The following ADCY3 variants were observed in gnomAD, a reference collection of about 807,000 sequenced individuals.
ADCY3 encodes the protein adenylate cyclase 3.
A neutral mutation model predicts 119.4 loss-of-function variants in ADCY3; 70 were observed. That is an observed-to-expected ratio of 0.59 (90% CI 0.48 to 0.72). The LOEUF (loss-of-function observed/expected upper bound fraction) is 0.72, where lower values mean the gene tolerates loss of function less well. ADCY3 is among the 30% of genes least tolerant of loss of function. The probability of loss-of-function intolerance (pLI) is 0.00; values close to 1 mark genes in which losing one functional copy is unlikely to be tolerated. For synonymous variants in ADCY3, 672 were observed against 621.4 expected, an observed-to-expected ratio of 1.08 and a Z score of -1.21; for missense variants, 1,238 against 1,541.6, an observed-to-expected ratio of 0.80 and a Z score of 3.30.
chr2:24,860,393 C>A (rs1036220405), intron 3 of ADCY3, among the ~76,000 whole-genome samples: 1 of 152,232 alleles, frequency 6.6e-6, no homozygotes, highest in Non-Finnish European at 1.5e-5. Context: ...CTGGCGGCCC[C>A]GCACCACAGG....
At chr2:24,912,108 G>A (rs762236025) in intron 2 of ADCY3, among the ~76,000 whole-genome samples, 10 of 152,192 alleles carry the variant, frequency 6.6e-5, no homozygotes, top group Non-Finnish European at 1.5e-4. Context: ...TACGCACAAT[G>A]TGTCTCTGAG....
At chr2:24,867,315 T>G (rs565774841) in intron 3 of ADCY3, among the ~76,000 whole-genome samples, 1 of 152,354 alleles carries the variant, frequency 6.6e-6, no homozygotes, top group East Asian at 1.9e-4. Flanking sequence ...CTGCAAAAAG[T>G]CTTGGCATGA....
At chr2:24,901,779 TAAA>T (rs5829948) in intron 2 of ADCY3, among the ~76,000 whole-genome samples, 1 of 128,624 alleles carries the variant, frequency 7.8e-6, no homozygotes. Flanking sequence ...ACCTCATCTT[TAAA>T]AAAAAAAAAA....
At chr2:24,821,929 T>C (rs1363531175) in intron 19 of ADCY3, 1 of 360,792 alleles carries the variant, frequency 2.8e-6, no homozygotes, top group Non-Finnish European at 5.1e-6. Flanking sequence ...TCCTGGTCCT[T>C]AGGTTTTGTC....
chr2:24,834,969 G>C lies in ADCY3; in HGVS notation c.1663-33C>G, dbSNP rs755372487. 3.7e-6 allele frequency: 6 copies of C among 1,607,056 alleles called. No homozygotes were observed. In the African/African-American group the frequency reaches 8.0e-5, roughly 21 times the overall value. On this transcript the variant is annotated intron_variant, in intron 9 of 21. Transcript: ENST00000679454. This position sits in a 1 kb window ranked among gnomAD's most constrained non-coding sequence, Gnocchi z 4.2. ...CCAGGGAGGCAGCGTGAGTGGGGCA[G>C]ATGGGACAGAGTGGTGGGGAAGAGC...
chr2:24,837,677 T>C (rs1415981154), intron 8 of ADCY3, among the ~76,000 whole-genome samples: 1 of 152,106 alleles, frequency 6.6e-6, no homozygotes, highest in East Asian at 1.9e-4. Flanking sequence ...TTACAAAAAA[T>C]AAGACAACCT....
chr2:24,877,399 C>T (rs146568834), intron 2 of ADCY3, among the ~76,000 whole-genome samples: 426 of 152,302 alleles, frequency 2.8e-3, no homozygotes, highest in African/African-American at 8.5e-3. Flanking sequence ...TGCTTCTAGC[C>T]TTCCAGTGAG....
intron 2 of ADCY3, among the ~76,000 whole-genome samples, chr2:24,892,503 G>A (rs988321444): frequency 4.6e-5 from 7 of 152,084 alleles, no homozygotes; most frequent in African/African-American, 1.2e-4. Context: ...CACCCGCCTC[G>A]GCCTCCCAAA....
intron 3 of ADCY3, among the ~76,000 whole-genome samples, chr2:24,862,541 G>A (rs1673794936): frequency 9.1e-6 from 1 of 109,772 alleles, no homozygotes; most frequent in South Asian, 2.9e-4. Flanking sequence ...GCGAGACTCC[G>A]CCTCAAAAAA....
chr2:24,849,201 G>A (rs1433327485), intron 3 of ADCY3, among the ~76,000 whole-genome samples: 2 of 152,202 alleles, frequency 1.3e-5, no homozygotes, highest in Non-Finnish European at 2.9e-5. Flanking sequence ...CTTCAGAAAA[G>A]CCTCTTCAGG....
At chr2:24,874,721 G>C (rs1386791735) in intron 2 of ADCY3, among the ~76,000 whole-genome samples, 1 of 152,210 alleles carries the variant, frequency 6.6e-6, no homozygotes, top group Non-Finnish European at 1.5e-5. Context: ...CGGTGAAACT[G>C]GAGCTCAGAG....
At chr2:24,917,741 C>G (rs1177096401) in intron 2 of ADCY3, among the ~76,000 whole-genome samples, 2 of 152,196 alleles carry the variant, frequency 1.3e-5, no homozygotes, top group Admixed American at 6.5e-5. Context: ...ATAGAACTCC[C>G]CAGGCACCCC....
At chr2:24,912,311 A>G in intron 2 of ADCY3, among the ~76,000 whole-genome samples, 1 of 152,010 alleles carries the variant, frequency 6.6e-6, no homozygotes, top group East Asian at 1.9e-4. Flanking sequence ...TGAAAAAAAA[A>G]AAAAGGAAGA....
At chr2:24,863,308 G>A (rs1208885046) in intron 3 of ADCY3, among the ~76,000 whole-genome samples, 2 of 152,162 alleles carry the variant, frequency 1.3e-5, no homozygotes, top group Non-Finnish European at 2.9e-5. Context: ...AGAAAAAGGT[G>A]AAAAGAGAGA....
chr2:24,905,318 T>C (rs565219945), intron 2 of ADCY3, among the ~76,000 whole-genome samples: 2 of 152,100 alleles, frequency 1.3e-5, no homozygotes, highest in South Asian at 4.2e-4. Context: ...GTATTTTTAA[T>C]AGAGACGGGG....
intron 2 of ADCY3, among the ~76,000 whole-genome samples, chr2:24,908,893 C>CT (rs1663228645): frequency 1.0e-5 from 1 of 100,238 alleles, no homozygotes; most frequent in Non-Finnish European, 1.9e-5. Context: ...ATGCTGAGGG[C>CT]CCCCCCGACA....
At chr2:24,849,797 C>T (rs1672085063) in intron 3 of ADCY3, among the ~76,000 whole-genome samples, 1 of 152,178 alleles carries the variant, frequency 6.6e-6, no homozygotes, top group Non-Finnish European at 1.5e-5. Context: ...GGGAGGGGCC[C>T]TCCCCCTGCC....
At chr2:24,855,271 T>C (rs1349591961) in intron 3 of ADCY3, among the ~76,000 whole-genome samples, 2 of 152,106 alleles carry the variant, frequency 1.3e-5, no homozygotes. Flanking sequence ...AGACTTGCTT[T>C]GGAGGCCCCA....
intron 11 of ADCY3, among the ~76,000 whole-genome samples, chr2:24,832,894 A>C (rs1669786174): frequency 6.6e-6 from 1 of 152,072 alleles, no homozygotes; most frequent in Non-Finnish European, 1.5e-5. Context: ...ATCTTGGTTA[A>C]CGGCACCCCC....
Sources: gnomAD v4.1 joint callset for allele counts (sites outside exome capture counted in the v4.1 genomes callset) on GRCh38, gnomAD v4.1.1 for gene constraint, Gnocchi (gnomAD v3.1) non-coding constraint, MANE v1.5 for transcripts, NCBI Gene and HGNC (gene_info 2026-07-23, HGNC 2026-07-21) for gene names.